EYS: variants seen among roughly 807,000 people sequenced by gnomAD.
EYS encodes protein eyes shut homolog.
EYS carries 250 observed loss-of-function variants against 282.1 expected under a neutral mutation model. The ratio of observed to expected loss-of-function variants is 0.89; its 90% CI spans 0.80 to 0.98. The LOEUF (loss-of-function observed/expected upper bound fraction) is 0.98, where lower values mean the gene tolerates loss of function less well. Among genes scored for constraint, EYS ranks in the 50% least tolerant of loss-of-function variants. EYS has a pLI of 0.00. For synonymous variants in EYS, 1,355 were observed against 1,282.9 expected (o/e 1.06, Z -1.20); for missense variants, 4,016 against 3,709.0 (o/e 1.08, Z -2.15).
chr6:64,786,705 G>C (rs757159503), intron 22 of EYS, among the ~76,000 whole-genome samples: 4 of 152,188 alleles, frequency 2.6e-5, no homozygotes, highest in African/African-American at 4.8e-5. Context: ...GGTGTTATCT[G>C]TAAATCTTAC....
chr6:64,719,307 T>C (rs1421044531), intron 22 of EYS, among the ~76,000 whole-genome samples: 2 of 152,018 alleles, frequency 1.3e-5, no homozygotes, highest in Non-Finnish European at 2.9e-5. Context: ...ACCTACGGAG[T>C]TCTGGGATAT....
intron 26 of EYS, among the ~76,000 whole-genome samples, chr6:64,555,661 C>T (rs1314987343): frequency 6.6e-6 from 1 of 151,544 alleles, no homozygotes; most frequent in Non-Finnish European, 1.5e-5. Flanking sequence ...AAAGGAAATA[C>T]AGATGGCAAA....
intron 26 of EYS, among the ~76,000 whole-genome samples, chr6:64,444,886 A>G (rs533500577): frequency 4.4e-4 from 67 of 152,298 alleles, no homozygotes; most frequent in African/African-American, 1.6e-3. Context: ...CTCTCTTGCC[A>G]TGTGAAACCC....
At chr6:64,682,013 A>G (rs1391430356) in intron 22 of EYS, among the ~76,000 whole-genome samples, 2 of 152,160 alleles carry the variant, frequency 1.3e-5, no homozygotes, top group Admixed American at 6.5e-5. Flanking sequence ...GAACACAGAT[A>G]AGCCTCTCTG....
rs1206882605 is a variant in EYS, at chr6:65,371,706, TCC to T, written c.1299+12678_1299+12679del. On this transcript the variant is annotated intron_variant, in intron 8 of 42. Coordinates refer to ENST00000503581, the MANE Select transcript of EYS (RefSeq NM_001142800.2). ...GCCTTCAAATTCCTCTCTCTCTCTC[TCC>T]CTCTCTCTCTCTCTCTCTCTCTCTC... Among the ~76,000 whole-genome samples the T allele has an allele frequency of 1.5e-3, 152 of 99,028 alleles. 1 individual carries two copies. Among genetic ancestry groups the T allele is most frequent in the African/African-American group, 5.4e-3 (138 of 25,652 alleles). 65.0% of individuals were successfully genotyped at this position (99,028 alleles called of 152,430 possible).
chr6:64,372,213 C>T (rs1192084832), intron 29 of EYS, among the ~76,000 whole-genome samples: 2 of 138,934 alleles, frequency 1.4e-5, no homozygotes, highest in Non-Finnish European at 3.0e-5. Context: ...CCCTTCAGGA[C>T]TTTTTGTAAG....
intron 31 of EYS, among the ~76,000 whole-genome samples, chr6:64,097,696 C>T (rs1026529212): frequency 1.3e-5 from 2 of 152,168 alleles, no homozygotes; most frequent in Non-Finnish European, 2.9e-5. Flanking sequence ...ACCCCTTGGG[C>T]TTCCCAGGTG....
intron 8 of EYS, among the ~76,000 whole-genome samples, chr6:65,367,506 A>C (rs1361028090): frequency 6.6e-6 from 1 of 151,732 alleles, no homozygotes; most frequent in Non-Finnish European, 1.5e-5. Flanking sequence ...TAAAATGTCT[A>C]TATGTTTCCT....
Position 63,788,098 on chromosome 6 carries a change from G to C in EYS, c.7723+7C>G. On this transcript the variant is annotated splice_region_variant and intron_variant, in intron 39 of 42. Transcript: ENST00000503581. ...TAGGTATAATATAAAAAATGTCCATGCCTTACCTTGAAAACCATTTTTAAA... is the reference window on the plus strand; with the variant it reads ...TAGGTATAATATAAAAAATGTCCATCCCTTACCTTGAAAACCATTTTTAAA... The C allele has an allele frequency of 6.5e-7, 1 of 1,527,278 alleles. No individual in the cohort carries two copies. The highest frequency in any genetic ancestry group is 8.8e-7 in the Non-Finnish European group (1 of 1,138,782). The allele number at this position is 1,527,278 out of a possible 1,614,324, so 94.6% of individuals were successfully genotyped here. A position where few individuals can be genotyped will look rare whatever the true frequency, so the allele number is the denominator to read the frequency against.
At chr6:65,517,400 T>C (rs1399964814) in intron 2 of EYS, among the ~76,000 whole-genome samples, 3 of 151,820 alleles carry the variant, frequency 2.0e-5, no homozygotes, top group Non-Finnish European at 4.4e-5. Flanking sequence ...AAAATCAATC[T>C]TCTTACTCTA....
intron 33 of EYS, among the ~76,000 whole-genome samples, chr6:64,051,328 G>A (rs1770803024): frequency 6.6e-6 from 1 of 152,146 alleles, no homozygotes; most frequent in South Asian, 2.1e-4. Flanking sequence ...GAAACAGGAA[G>A]ATAAATTTAT....
chr6:65,338,845 T>G (rs1352133706), intron 10 of EYS, among the ~76,000 whole-genome samples: 5 of 151,162 alleles, frequency 3.3e-5, no homozygotes, highest in Non-Finnish European at 7.4e-5. Context: ...TCACTTCATC[T>G]GTAGAGAAAT....
At chr6:64,273,323 C>A (rs10806409) in intron 30 of EYS, among the ~76,000 whole-genome samples, 104,310 of 151,982 alleles carry the variant, frequency 0.69, 35,826 homozygotes, top group South Asian at 0.71. Context: ...TTCTGATCGA[C>A]TTCTTTATTT....
At chr6:64,294,427 T>C (rs1159373963) in intron 30 of EYS, among the ~76,000 whole-genome samples, 1 of 152,220 alleles carries the variant, frequency 6.6e-6, no homozygotes, top group African/African-American at 2.4e-5. Context: ...CTTACTTCCT[T>C]CATGTGAGTA....
rs1321719295 is a variant in EYS, at chr6:65,188,843, C to A, written c.2023+107020G>T. Among the ~76,000 whole-genome samples the A allele has an allele frequency of 3.3e-5, 5 of 150,018 alleles. No homozygotes were observed. In the East Asian group the frequency reaches 5.9e-4, roughly 18 times the overall value. ...GACAGCTTCTAGAAGATGGAAGAGG[C>A]AAGAAAACAAATTGTTTCTTAGGGG... is the stretch of plus-strand genomic sequence containing the variant. On this transcript the variant is annotated intron_variant, in intron 12 of 42. Transcript: ENST00000503581.
chr6:64,226,762 G>T (rs1270991177), intron 31 of EYS, among the ~76,000 whole-genome samples: 1 of 152,066 alleles, frequency 6.6e-6, no homozygotes, highest in Non-Finnish European at 1.5e-5. Flanking sequence ...TAGCTGATTG[G>T]ATGTGGATGA....
At chr6:65,207,725 T>C (rs1766071284) in intron 12 of EYS, among the ~76,000 whole-genome samples, 1 of 151,622 alleles carries the variant, frequency 6.6e-6, no homozygotes, top group African/African-American at 2.4e-5. Context: ...TAAAGCCACA[T>C]ACCTACAGCA....
At chr6:64,540,515 G>T (rs1764670557) in intron 26 of EYS, among the ~76,000 whole-genome samples, 1 of 129,906 alleles carries the variant, frequency 7.7e-6, no homozygotes, top group African/African-American at 2.9e-5. Context: ...TGGAGTCTAG[G>T]TCTGTCACCC....
intron 36 of EYS, among the ~76,000 whole-genome samples, chr6:63,810,325 T>C (rs1363518551): frequency 2.7e-5 from 3 of 110,778 alleles, no homozygotes; most frequent in African/African-American, 3.6e-5. Context: ...CAAAAAAACC[T>C]GCGGTTAATC....
Sources: allele counts gnomAD v4.1 joint callset (sites outside exome capture counted in the v4.1 genomes callset), GRCh38; gene constraint gnomAD v4.1.1; transcripts MANE v1.5; gene names NCBI Gene and HGNC (gene_info 2026-07-23, HGNC 2026-07-21).